SLC35F3: variants seen among roughly 807,000 people sequenced by gnomAD.
SLC35F3 encodes the protein putative thiamine transporter SLC35F3.
Under a neutral mutation model 49.9 loss-of-function variants are expected in SLC35F3, and 25 were observed. The ratio of observed to expected loss-of-function variants is 0.50; its 90% confidence interval spans 0.37 to 0.70. The LOEUF (loss-of-function observed/expected upper bound fraction) is 0.70, where lower values mean the gene tolerates loss of function less well. SLC35F3 is among the 30% of genes least tolerant of loss of function. The pLI is 0.00. For synonymous variants in SLC35F3, 275 were observed against 265.4 expected (o/e 1.04, Z -0.35); for missense variants, 525 against 639.8 (o/e 0.82, Z 1.94).
rs542826141 is a variant in SLC35F3 at position 234,241,331 on chromosome 1, C to A, written c.608+9590C>A. Among the ~76,000 whole-genome samples, 64 of 152,268 alleles carry A rather than the reference C, an allele frequency of 4.2e-4. 1 individual carries two copies. Among genetic ancestry groups the A allele is most frequent in the Middle Eastern group, 3.4e-3 (1 of 294 alleles). On this transcript the variant is annotated intron_variant, in intron 3 of 7. Coordinates refer to ENST00000366618, the MANE Select transcript of SLC35F3 (RefSeq NM_173508.4). ...TGAGACCACGTGTGGAGGGAAGGGACCTGAGCTTTGACTCAGGCTTGTTCC... is the reference window on the plus strand; with the variant it reads ...TGAGACCACGTGTGGAGGGAAGGGAACTGAGCTTTGACTCAGGCTTGTTCC...
intron 2 of SLC35F3, among the ~76,000 whole-genome samples, chr1:234,052,586 G>C (rs1034622458): frequency 3.3e-5 from 5 of 151,800 alleles, no homozygotes; most frequent in African/African-American, 9.7e-5. Context: ...TTCAAAAAAT[G>C]AGCTCCTGGA....
At chr1:234,178,922 C>T (rs2102922559) in intron 2 of SLC35F3, among the ~76,000 whole-genome samples, 1 of 152,336 alleles carries the variant, frequency 6.6e-6, no homozygotes, top group South Asian at 2.1e-4. Flanking sequence ...CTTCCCCCAA[C>T]CCCTGGAAAT....
At chr1:234,250,653 CAAAA>C (rs35486350) in intron 3 of SLC35F3, among the ~76,000 whole-genome samples, 3 of 81,504 alleles carry the variant, frequency 3.7e-5, no homozygotes, top group African/African-American at 1.0e-4. Flanking sequence ...GACTCCGTCT[CAAAA>C]AAAAAAAAAA....
At chr1:233,974,041 C>T (rs1663035571) in intron 2 of SLC35F3, among the ~76,000 whole-genome samples, 1 of 152,056 alleles carries the variant, frequency 6.6e-6, no homozygotes, top group Non-Finnish European at 1.5e-5. Flanking sequence ...TGACTTGGTA[C>T]GTTTGCTTAT....
chr1:234,213,739 G>A (rs6697119), intron 2 of SLC35F3: 27,512 of 152,150 alleles, frequency 0.18, 3,184 homozygotes, highest in African/African-American at 0.31. Flanking sequence ...AGACTGAGGC[G>A]GTGGGGTGGG....
chr1:233,992,890 T>C (rs1663387421), intron 2 of SLC35F3, among the ~76,000 whole-genome samples: 1 of 152,052 alleles, frequency 6.6e-6, no homozygotes, highest in African/African-American at 2.4e-5. Context: ...GCAGCCTGTC[T>C]GAAAGGGAAA....
intron 3 of SLC35F3, among the ~76,000 whole-genome samples, chr1:234,284,363 A>C (rs577202149): frequency 6.2e-4 from 94 of 152,352 alleles, no homozygotes; most frequent in Non-Finnish European, 1.1e-3. Context: ...TCTATGCACA[A>C]GACAACTGTT....
rs540553693 is a variant in SLC35F3 at position 234,216,762 on chromosome 1, G to A, written c.284-14655G>A. On this transcript the variant is annotated intron_variant, in intron 2 of 7. Transcript: ENST00000366618. ...GAACACAGCCTCAGTTTCCGCAAACGTAAAAGAGAAGGAACAACCTACTTC... is the reference window on the plus strand; with the variant it reads ...GAACACAGCCTCAGTTTCCGCAAACATAAAAGAGAAGGAACAACCTACTTC... Among the ~76,000 whole-genome samples the A allele has an allele frequency of 3.9e-5, 6 of 152,314 alleles. No individual in the cohort carries two copies. In the South Asian group the frequency reaches 8.3e-4, roughly 21 times the overall value.
At chr1:234,311,492 T>C (rs1327811409) in intron 4 of SLC35F3, among the ~76,000 whole-genome samples, 1 of 152,230 alleles carries the variant, frequency 6.6e-6, no homozygotes, top group African/African-American at 2.4e-5. Flanking sequence ...AAATCCATGT[T>C]GAAGGCACAG....
intron 5 of SLC35F3, among the ~76,000 whole-genome samples, chr1:234,317,547 G>A (rs891455418): frequency 6.6e-6 from 1 of 152,212 alleles, no homozygotes; most frequent in Non-Finnish European, 1.5e-5. Flanking sequence ...CAATAGGACT[G>A]ATATAATTAA....
chr1:234,209,882 T>A (rs998688582), intron 2 of SLC35F3, among the ~76,000 whole-genome samples: 1 of 152,212 alleles, frequency 6.6e-6, no homozygotes, highest in Admixed American at 6.5e-5. Flanking sequence ...ATTTGTTAAC[T>A]ATTTGACTCT....
At chr1:234,227,019 T>A (rs951677378) in intron 2 of SLC35F3, among the ~76,000 whole-genome samples, 69 of 150,204 alleles carry the variant, frequency 4.6e-4, no homozygotes, top group African/African-American at 1.7e-3. Flanking sequence ...GCAACAGAAC[T>A]GGGATGAACC....
At chr1:234,114,745 T>G (rs927647209) in intron 2 of SLC35F3, among the ~76,000 whole-genome samples, 1 of 152,172 alleles carries the variant, frequency 6.6e-6, no homozygotes, top group Non-Finnish European at 1.5e-5. Flanking sequence ...GGGGAAGAGT[T>G]GGAAAGAGGC....
intron 6 of SLC35F3, among the ~76,000 whole-genome samples, 181 bp from the exon 7 acceptor site, chr1:234,319,917 C>G (rs911885972): frequency 1.3e-5 from 2 of 152,062 alleles, no homozygotes; most frequent in Non-Finnish European, 2.9e-5. Context: ...AGAGTGTCTG[C>G]TCCTGGTCCC....
chr1:234,286,280 T>C (rs535019434), intron 3 of SLC35F3, among the ~76,000 whole-genome samples: 2 of 151,996 alleles, frequency 1.3e-5, no homozygotes, highest in South Asian at 4.1e-4. Context: ...ACAAGACAGC[T>C]ATTGGCTACA....
chr1:234,158,846 T>C (rs950650734), intron 2 of SLC35F3, among the ~76,000 whole-genome samples: 8 of 152,228 alleles, frequency 5.3e-5, no homozygotes, highest in Non-Finnish European at 8.8e-5. Flanking sequence ...ATGTAATCAC[T>C]GCTTTATAAG....
chr1:234,166,301 C>G (rs936569749), intron 2 of SLC35F3, among the ~76,000 whole-genome samples: 2 of 152,078 alleles, frequency 1.3e-5, no homozygotes, highest in Non-Finnish European at 2.9e-5. Flanking sequence ...AACCAATGAC[C>G]CTGCACTGAC....
chr1:233,941,092 G>A (rs748334188), intron 2 of SLC35F3, among the ~76,000 whole-genome samples: 53 of 152,066 alleles, frequency 3.5e-4, no homozygotes, highest in Non-Finnish European at 5.7e-4. Context: ...GAACAGTAAC[G>A]GAAATGAACT....
chr1:234,179,005 A>G (rs1194585167), intron 2 of SLC35F3, among the ~76,000 whole-genome samples: 2 of 152,098 alleles, frequency 1.3e-5, no homozygotes, highest in South Asian at 4.1e-4. Context: ...TCTCCTTTTA[A>G]TGAACATGGA....
Sources: allele counts gnomAD v4.1 joint callset (sites outside exome capture counted in the v4.1 genomes callset), GRCh38; gene constraint gnomAD v4.1.1; transcripts MANE v1.5; gene names NCBI Gene and HGNC (gene_info 2026-07-23, HGNC 2026-07-21).